SRPK2: variants seen among roughly 807,000 people sequenced by gnomAD.
SRPK2 encodes the protein SFRS protein kinase 2.
SRPK2 carries 21 observed loss-of-function variants against 90.8 expected under a neutral mutation model. The observed-to-expected ratio is 0.23, with a 90% CI of 0.16 to 0.33. The LOEUF is 0.33. SRPK2 is among the 10% of genes least tolerant of loss of function. The pLI, the probability that SRPK2 is intolerant of heterozygous loss-of-function variation, is 1.00. For missense variants in SRPK2, 620 were observed against 869.0 expected (o/e 0.71, Z 3.60); for synonymous variants, 288 against 311.1 (o/e 0.93, Z 0.78).
At chr7:105,323,731 A>C (rs184745253) in intron 2 of SRPK2, among the ~76,000 whole-genome samples, 467 of 152,334 alleles carry the variant, frequency 3.1e-3, no homozygotes, top group Non-Finnish European at 5.2e-3. Flanking sequence ...CAAAGTGGAA[A>C]TAACACAGTA....
intron 13 of SRPK2, among the ~76,000 whole-genome samples, chr7:105,132,243 A>G (rs1802110358): frequency 1.3e-5 from 2 of 152,240 alleles, no homozygotes; most frequent in Non-Finnish European, 2.9e-5. Flanking sequence ...ATAAGCCAGA[A>G]TATCTGCTAG....
intron 2 of SRPK2, among the ~76,000 whole-genome samples, chr7:105,205,515 TCTCACACACACACACA>T (rs879146161): frequency 0.035 from 3,889 of 111,628 alleles, 56 homozygotes; most frequent in African/African-American, 0.06. Flanking sequence ...TCTCTCTCTC[TCTCACACACACACACA>T]CACACACACA....
At chr7:105,383,226 G>C (rs1170252373) in intron 2 of SRPK2, among the ~76,000 whole-genome samples, 1 of 150,704 alleles carries the variant, frequency 6.6e-6, no homozygotes, top group Admixed American at 6.6e-5. Context: ...CACCATGCCC[G>C]GCTAATTTTT....
chr7:105,251,531 G>T (rs771155100), intron 2 of SRPK2, among the ~76,000 whole-genome samples: 3 of 152,094 alleles, frequency 2.0e-5, no homozygotes, highest in Non-Finnish European at 4.4e-5. Flanking sequence ...AAAAGACTGG[G>T]CTGAACAGCA....
At chr7:105,389,913 TAAATC>T (rs1184644798), upstream of SRPK2, among the ~76,000 whole-genome samples, 1 of 152,246 alleles carries the variant, frequency 6.6e-6, no homozygotes, top group Admixed American at 6.5e-5. Flanking sequence ...CTAAGGATGA[TAAATC>T]AGAACGGGAA....
At chr7:105,388,611 G>A in intron 2 of SRPK2, 37 bp downstream of exon 2, 1 of 1,557,030 alleles carries the variant, frequency 6.4e-7, no homozygotes, top group Non-Finnish European at 8.7e-7. Flanking sequence ...CGACGGGGCG[G>A]GGGTGGGGAA....
In SRPK2 at chr7:105,388,872, C is replaced by A. The variant is rs1285403981; in HGVS notation, c.-66G>T. On this transcript the variant is annotated 5_prime_UTR_variant, in exon 1 of 16. Coordinates refer to ENST00000393651, the MANE Select transcript of SRPK2 (RefSeq NM_182692.3). ...GACGCGGGCGCCGAGACGAGCTGGGCTGCAGCCTCCACTCGCTCCGCCGGC... is the reference window on the plus strand; with the variant it reads ...GACGCGGGCGCCGAGACGAGCTGGGATGCAGCCTCCACTCGCTCCGCCGGC... 22 of 1,275,414 alleles carry A rather than the reference C, an allele frequency of 1.7e-5. No homozygotes were observed. Among genetic ancestry groups the A allele is most frequent in the African/African-American group, 6.3e-5 (4 of 63,830 alleles). 79.0% of individuals were successfully genotyped at this position (1,275,414 alleles called of 1,614,324 possible).
chr7:105,143,347 C>A lies in SRPK2; in HGVS notation c.814-17G>T. 1 of 1,605,640 alleles carries A rather than the reference C, an allele frequency of 6.2e-7. No individual in the cohort carries two copies. Among genetic ancestry groups the A allele is most frequent in the Non-Finnish European group, 8.5e-7 (1 of 1,178,920 alleles). On this transcript the variant is annotated splice_polypyrimidine_tract_variant and intron_variant, in intron 9 of 15. Transcript: ENST00000393651. The stretch of plus-strand genomic sequence containing the variant: ...TTTTCCTATCTATGTTAAGGAAAGA[C>A]CACAGGTCAGTATTCTTCTTTTTAA...
intron 2 of SRPK2, among the ~76,000 whole-genome samples, chr7:105,311,471 G>A (rs2131389447): frequency 6.6e-6 from 1 of 152,290 alleles, no homozygotes; most frequent in South Asian, 2.1e-4. Flanking sequence ...GACCTCAGGT[G>A]ATCTGCCTGC....
chr7:105,170,675 C>T (rs1434985259), intron 3 of SRPK2, among the ~76,000 whole-genome samples: 2 of 146,770 alleles, frequency 1.4e-5, no homozygotes, highest in Non-Finnish European at 3.0e-5. Flanking sequence ...GCCTGGGTTA[C>T]AGAGTGAGAC....
chr7:105,233,080 A>AAGGAAGG (rs1799665526), intron 2 of SRPK2, among the ~76,000 whole-genome samples: 1 of 117,080 alleles, frequency 8.5e-6, no homozygotes, highest in African/African-American at 3.2e-5. Context: ...GGAAGGAAGG[A>AAGGAAGG]AAGGAAGGAA....
At chr7:105,329,465 C>A (rs914868708) in intron 2 of SRPK2, among the ~76,000 whole-genome samples, 1 of 151,640 alleles carries the variant, frequency 6.6e-6, no homozygotes, top group Admixed American at 6.6e-5. Context: ...TGGTGGTGAA[C>A]GCATGGAATC....
rs546575366 is a variant in SRPK2, at chr7:105,332,582, G to A, written c.71+56066C>T. On this transcript the variant is annotated intron_variant, in intron 2 of 15. Coordinates refer to ENST00000393651, the MANE Select transcript of SRPK2 (RefSeq NM_182692.3). ...AGTTCAAGACCAGACTGGCCAACAT[G>A]GTGAAACCCTATCTGTACTAAAAAT... 1.2e-4 allele frequency among the ~76,000 whole-genome samples: 19 copies of A among 152,188 alleles called. No individual in the cohort carries two copies. In the South Asian group the frequency reaches 2.9e-3, roughly 23 times the overall value.
intron 2 of SRPK2, among the ~76,000 whole-genome samples, chr7:105,259,865 C>A (rs529737433): frequency 6.6e-6 from 1 of 152,198 alleles, no homozygotes; most frequent in African/African-American, 2.4e-5. Context: ...CCCTTCCCTA[C>A]ACCATATACA....
At chr7:105,282,743 T>G (rs777950661) in intron 2 of SRPK2, among the ~76,000 whole-genome samples, 1 of 152,112 alleles carries the variant, frequency 6.6e-6, no homozygotes, top group Non-Finnish European at 1.5e-5. Context: ...GAGCCGAGAT[T>G]GTGCCACTGC....
At chr7:105,336,512 CCATCTTTTTA>C (rs1815107162) in intron 2 of SRPK2, among the ~76,000 whole-genome samples, 1 of 152,096 alleles carries the variant, frequency 6.6e-6, no homozygotes, top group Non-Finnish European at 1.5e-5. Flanking sequence ...TAGGGTATTA[CCATCTTTTTA>C]CAGTTGATTT....
intron 2 of SRPK2, among the ~76,000 whole-genome samples, chr7:105,212,865 G>T (rs1432085665): frequency 1.3e-5 from 2 of 152,146 alleles, no homozygotes; most frequent in African/African-American, 2.4e-5. Context: ...TAAACATGGG[G>T]TGATGGCTAC....
At chr7:105,352,204 T>C (rs1817275660) in intron 2 of SRPK2, among the ~76,000 whole-genome samples, 1 of 152,152 alleles carries the variant, frequency 6.6e-6, no homozygotes. Context: ...ATTACTTAAT[T>C]TGCATCTCTT....
At chr7:105,244,497 C>T (rs141087143) in intron 2 of SRPK2, among the ~76,000 whole-genome samples, 2,965 of 152,324 alleles carry the variant, frequency 0.019, 100 homozygotes, top group African/African-American at 0.066. Flanking sequence ...TCGCTTGAAC[C>T]CGGGAGGCGG....
Sources: allele counts gnomAD v4.1 joint callset (sites outside exome capture counted in the v4.1 genomes callset), GRCh38; gene constraint gnomAD v4.1.1; transcripts MANE v1.5; gene names NCBI Gene and HGNC (gene_info 2026-07-23, HGNC 2026-07-21).